Variants in HSP90AA1 observed in about 807,000 individuals in gnomAD.
HSP90AA1 encodes the protein heat shock protein HSP 90-alpha.
In HSP90AA1, 18 loss-of-function variants were observed where a neutral mutation model predicts 73.3. The ratio of observed to expected loss-of-function variants is 0.25; its 90% CI spans 0.17 to 0.36. HSP90AA1 has a LOEUF of 0.36. Ranked by LOEUF, HSP90AA1 falls within the 10% of genes least tolerant of loss-of-function variation. HSP90AA1 has a pLI of 1.00. For missense variants in HSP90AA1, 704 were observed against 874.2 expected (o/e 0.81, Z 2.45); for synonymous variants, 477 against 296.9 (o/e 1.61, Z -6.24).
chr14:102,085,273 A>G (rs765128134), intron 4 of HSP90AA1, 25 bp downstream of exon 4: 32 of 1,605,388 alleles, frequency 2.0e-5, no homozygotes, highest in Non-Finnish European at 2.4e-5. Context: ...ACAGAAATTC[A>G]CTCTGCAATT....
intron 1 of HSP90AA1, among the ~76,000 whole-genome samples, chr14:102,132,484 C>T (rs1204942396): frequency 6.6e-6 from 1 of 151,740 alleles, no homozygotes; most frequent in Non-Finnish European, 1.5e-5. Context: ...AAGGTTGAGG[C>T]TGCAATGAGC....
chr14:102,121,035 A>G (rs1595677203), intron 1 of HSP90AA1, among the ~76,000 whole-genome samples: 1 of 151,730 alleles, frequency 6.6e-6, no homozygotes, highest in Non-Finnish European at 1.5e-5. Flanking sequence ...ACACACACAC[A>G]CACACACGTA....
Position 102,111,957 on chromosome 14 carries a change from G to C in HSP90AA1, c.156-9872C>G, listed in dbSNP as rs189335790. On this transcript the variant is annotated intron_variant, in intron 1 of 11. Transcript: ENST00000334701. ...CATTTCTTCTCTCTGGAAGCTTGTA[G>C]GATCTTTTCTATTCCAAGTGTTCTA... is the stretch of plus-strand genomic sequence containing the variant. Among the ~76,000 whole-genome samples the C allele has an allele frequency of 6.5e-3, 983 of 152,282 alleles. 12 individuals carry two copies. Among genetic ancestry groups the C allele is most frequent in the Non-Finnish European group, 8.0e-3 (542 of 68,016 alleles).
rs1010296681 is a variant in HSP90AA1 at position 102,080,747 on chromosome 14, G to A, written c.*965C>T. On this transcript the variant is annotated 3_prime_UTR_variant, in exon 11 of 11. Coordinates refer to ENST00000216281, the MANE Select transcript of HSP90AA1 (RefSeq NM_005348.4). ...GAACTTTGAGACACTGTAAGGCCAAGGAATTAAGTGACTGTATTTAACACA... is the reference window on the plus strand; with the variant it reads ...GAACTTTGAGACACTGTAAGGCCAAAGAATTAAGTGACTGTATTTAACACA... 2 of 208,666 alleles carry A rather than the reference G, an allele frequency of 9.6e-6. No individual in the cohort carries two copies. The highest frequency in any genetic ancestry group is 7.2e-5 in the East Asian group (1 of 13,940). 12.9% of individuals were successfully genotyped at this position (208,666 alleles called of 1,614,324 possible). A position where few individuals can be genotyped will look rare whatever the true frequency, so the allele number is the denominator to read the frequency against.
rs1242630848 is a variant in HSP90AA1 at position 102,081,809 on chromosome 14, T to G, written c.2102A>C (p.Asp701Ala). 2.7e-6 allele frequency: 4 copies of G among 1,486,340 alleles called. No homozygotes were observed. Among genetic ancestry groups the G allele is most frequent in the African/African-American group, 1.4e-5 (1 of 72,352 alleles). The allele number at this position is 1,486,340 out of a possible 1,614,324, so 92.1% of individuals were successfully genotyped here. A position where few individuals can be genotyped will look rare whatever the true frequency, so the allele number is the denominator to read the frequency against. Residue 701 changes from aspartate to alanine, a missense_variant, in exon 11 of 11, where the codon GAT becomes GCT. Coordinates refer to ENST00000216281, the MANE Select transcript of HSP90AA1 (RefSeq NM_005348.4). The part of the protein sequence containing the change: ...MIKLGLGIDE[D>A]DPTADDTSAA... The stretch of plus-strand genomic sequence containing the variant: ...ACTGGTATCATCAGCAGTAGGGTCA[T>G]CTTCATCAATACCTGTTTCCAAAAT...
chr14:102,117,767 C>T (rs1035299580), intron 1 of HSP90AA1, among the ~76,000 whole-genome samples: 6 of 152,158 alleles, frequency 3.9e-5, no homozygotes, highest in African/African-American at 1.4e-4. Context: ...CACTGCTCAC[C>T]ACGTTGCGGG....
At chr14:102,081,974 TA>T (rs547955162) in intron 10 of HSP90AA1, 136 bp downstream of exon 10, 27 of 777,848 alleles carry the variant, frequency 3.5e-5, no homozygotes, top group Non-Finnish European at 5.2e-5. Context: ...TACTTATCCC[TA>T]AAAAAAACAT....
At chr14:102,086,406 C>A (rs200421140) in intron 1 of HSP90AA1, 28 bp from the exon 2 acceptor site, 1 of 1,613,976 alleles carries the variant, frequency 6.2e-7, no homozygotes, top group East Asian at 2.2e-5. Flanking sequence ...CGGTTTAAAA[C>A]CTTGCAGGAC....
intron 1 of HSP90AA1, among the ~76,000 whole-genome samples, chr14:102,103,907 GGGA>G (rs1053245394): frequency 1.3e-5 from 2 of 151,988 alleles, no homozygotes; most frequent in African/African-American, 4.8e-5. Flanking sequence ...GGGAGGCTGA[GGGA>G]GGAGAATTAC....
At chr14:102,128,356 A>C (rs540057527) in intron 1 of HSP90AA1, among the ~76,000 whole-genome samples, 2 of 151,014 alleles carry the variant, frequency 1.3e-5, no homozygotes, top group African/African-American at 4.9e-5. Context: ...GGATGGGCGC[A>C]GTGGCTCACG....
chr14:102,134,753 C>T (rs953006482), intron 1 of HSP90AA1, among the ~76,000 whole-genome samples: 1 of 152,050 alleles, frequency 6.6e-6, no homozygotes, highest in African/African-American at 2.4e-5. Context: ...GCAGTGTGGA[C>T]CCAAAGAGTG....
At chr14:102,087,175 C>T (rs2049265671), upstream of HSP90AA1, 1 of 982,570 alleles carries the variant, frequency 1.0e-6, no homozygotes, top group Non-Finnish European at 1.2e-6. Flanking sequence ...CCTACGCATG[C>T]GCCGTTGCCG....
chr14:102,114,444 T>C (rs183616003), intron 1 of HSP90AA1, among the ~76,000 whole-genome samples: 1 of 152,292 alleles, frequency 6.6e-6, no homozygotes, highest in East Asian at 1.9e-4. Context: ...TTTTAGACTT[T>C]GAGATTCACT....
chr14:102,098,627 C>T (rs1404611725), intron 2 of HSP90AA1, among the ~76,000 whole-genome samples: 1 of 152,006 alleles, frequency 6.6e-6, no homozygotes, highest in African/African-American at 2.4e-5. Flanking sequence ...CCACACCCCG[C>T]TAATTTTTAT....
At chr14:102,087,152 C>T, upstream of HSP90AA1, 1 of 984,136 alleles carries the variant, frequency 1.0e-6, no homozygotes, top group Non-Finnish European at 1.2e-6. Flanking sequence ...CCAGCCGCCG[C>T]CGCGGCCGCG....
rs11547524 is a variant in HSP90AA1, at chr14:102,082,121, T to C, written c.2079A>G (p.Lys693=). The change falls in exon 10 of 11, where the codon AAA becomes AAG. Residue 693 remains lysine, a synonymous_variant. Coordinates refer to ENST00000216281, the MANE Select transcript of HSP90AA1 (RefSeq NM_005348.4). ...TAGTATAAGGCTTACCCAGACCAAG[T>C]TTGATCATCCTGTAGATCCTGTTAG... ...THANRIYRMI[K]LGLGIDEDDP... 3.5e-3 allele frequency: 5,686 copies of C among 1,610,190 alleles called. 10 individuals are homozygous for C. The highest frequency in any genetic ancestry group is 4.2e-3 in the Non-Finnish European group (4,981 of 1,176,446).
chr14:102,119,619 G>A (rs1222209875), intron 1 of HSP90AA1, among the ~76,000 whole-genome samples: 2 of 152,120 alleles, frequency 1.3e-5, no homozygotes, highest in Non-Finnish European at 2.9e-5. Flanking sequence ...CTCCGGAGTA[G>A]CTGGGATTAC....
chr14:102,120,374 A>G (rs1164205962), intron 1 of HSP90AA1, among the ~76,000 whole-genome samples: 1 of 152,134 alleles, frequency 6.6e-6, no homozygotes, highest in Non-Finnish European at 1.5e-5. Flanking sequence ...CCCCCACGAA[A>G]AGAATACAGA....
At chr14:102,100,798 T>C (rs1349209163) in intron 2 of HSP90AA1, among the ~76,000 whole-genome samples, 3 of 152,244 alleles carry the variant, frequency 2.0e-5, no homozygotes, top group Non-Finnish European at 4.4e-5. Flanking sequence ...TTTAAATCCC[T>C]GCTCTGCTAT....
Sources: gnomAD v4.1 joint callset for allele counts (sites outside exome capture counted in the v4.1 genomes callset) on GRCh38, gnomAD v4.1.1 for gene constraint, MANE v1.5 for transcripts, NCBI Gene and HGNC (gene_info 2026-07-23, HGNC 2026-07-21) for gene names.